PCSK6: variants seen among roughly 807,000 people sequenced by gnomAD.
The protein encoded by PCSK6 is proprotein convertase subtilisin/kexin type 6.
A neutral mutation model predicts 123.3 loss-of-function variants in PCSK6; 85 were observed. That is an observed-to-expected ratio of 0.69 (90% CI 0.58 to 0.83). The LOEUF (loss-of-function observed/expected upper bound fraction) is 0.83, where lower values mean the gene tolerates loss of function less well. PCSK6 is among the 40% of genes least tolerant of loss of function. The pLI is 0.00. For missense variants in PCSK6, 1,191 were observed against 1,282.3 expected, an observed-to-expected ratio of 0.93 and a Z score of 1.09; for synonymous variants, 508 against 516.0, an observed-to-expected ratio of 0.98 and a Z score of 0.21.
At chr15:101,347,597 C>A in intron 13 of PCSK6, 2 of 1,488,420 alleles carry the variant, frequency 1.3e-6, no homozygotes, top group Non-Finnish European at 1.8e-6. Context: ...TGTTTGTGAG[C>A]CATGTCCAAA....
intron 6 of PCSK6, among the ~76,000 whole-genome samples, chr15:101,406,777 C>G (rs962383543): frequency 6.6e-6 from 1 of 152,096 alleles, no homozygotes; most frequent in Non-Finnish European, 1.5e-5. Flanking sequence ...TGTGGGGACG[C>G]GCGGGGGATC....
At chr15:101,310,216 T>A (rs2039824372) in intron 20 of PCSK6, among the ~76,000 whole-genome samples, 1 of 152,188 alleles carries the variant, frequency 6.6e-6, no homozygotes, top group Non-Finnish European at 1.5e-5. Context: ...CAAGACCCGG[T>A]GTGTCAGCCC....
intron 13 of PCSK6, chr15:101,346,933 G>A (rs999169839): frequency 1.9e-5 from 23 of 1,231,696 alleles, no homozygotes; most frequent in Non-Finnish European, 1.8e-5. Flanking sequence ...CAAACGAGGA[G>A]AGTTTTGGGG....
intron 1 of PCSK6, among the ~76,000 whole-genome samples, chr15:101,464,601 G>C (rs1194720315): frequency 6.6e-6 from 1 of 152,154 alleles, no homozygotes; most frequent in Non-Finnish European, 1.5e-5. Flanking sequence ...GGCTGTGGTG[G>C]GGTCCAAGGA....
At chr15:101,354,053 G>A (rs914397874) in intron 13 of PCSK6, among the ~76,000 whole-genome samples, 3 of 152,182 alleles carry the variant, frequency 2.0e-5, no homozygotes, top group Non-Finnish European at 2.9e-5. Flanking sequence ...ATGGCCTGCC[G>A]AGGTCCGCAA....
At position 101,364,438 on chromosome 15, in the gene PCSK6, C is replaced by A. The variant is rs534660446; in HGVS notation, c.1858+1758G>T. On this transcript the variant is annotated intron_variant, in intron 13 of 21. Coordinates refer to ENST00000611716, the MANE Select transcript of PCSK6 (RefSeq NM_002570.5). The stretch of plus-strand genomic sequence containing the variant: ...CCATTACCTAGATCAGAGTTTGGTA[C>A]TTAATAAAGACTAGTTAAATAAATG... 2.0e-5 allele frequency among the ~76,000 whole-genome samples: 3 copies of A among 152,088 alleles called. No individual in the cohort carries two copies. In the South Asian group the frequency reaches 6.2e-4, roughly 32 times the overall value.
chr15:101,381,928 G>A (rs1438726520), intron 11 of PCSK6, among the ~76,000 whole-genome samples, 164 bp downstream of exon 11: 2 of 152,224 alleles, frequency 1.3e-5, no homozygotes, highest in African/African-American at 4.8e-5. Flanking sequence ...TTTCCCAGCT[G>A]TACAATCCAC....
chr15:101,326,782 G>A (rs1285011928), intron 15 of PCSK6, among the ~76,000 whole-genome samples: 1 of 152,242 alleles, frequency 6.6e-6, no homozygotes, highest in African/African-American at 2.4e-5. Context: ...ACTTGTGAGA[G>A]CCTGGAGGGG....
intron 9 of PCSK6, among the ~76,000 whole-genome samples, chr15:101,387,148 T>C (rs1358195625): frequency 1.2e-4 from 18 of 152,192 alleles, no homozygotes; most frequent in Admixed American, 1.2e-3. Context: ...TCTCCAGGAC[T>C]TTCCCTGCCA....
intron 6 of PCSK6, among the ~76,000 whole-genome samples, chr15:101,423,462 A>G (rs541121919): frequency 6.6e-6 from 1 of 152,104 alleles, no homozygotes; most frequent in East Asian, 1.9e-4. Context: ...GGGTTTTAGC[A>G]TGTTGGCCAG....
chr15:101,388,957 G>C (rs2042149430), intron 9 of PCSK6, among the ~76,000 whole-genome samples: 1 of 152,174 alleles, frequency 6.6e-6, no homozygotes, highest in African/African-American at 2.4e-5. Context: ...ATTCATCGAA[G>C]TCTTAGGCCC....
intron 18 of PCSK6, among the ~76,000 whole-genome samples, chr15:101,321,437 C>T (rs1038951066): frequency 6.6e-5 from 10 of 152,280 alleles, no homozygotes; most frequent in Non-Finnish European, 8.8e-5. Flanking sequence ...AGCATAGTGC[C>T]TCCTGGGGAA....
At chr15:101,341,316 T>C (rs1164871027) in intron 13 of PCSK6, among the ~76,000 whole-genome samples, 1 of 148,522 alleles carries the variant, frequency 6.7e-6, no homozygotes, top group Non-Finnish European at 1.5e-5. Context: ...TGGTGCAATC[T>C]CGGCTCACTG....
intron 5 of PCSK6, 62 bp from the exon 6 acceptor site, chr15:101,428,042 C>G (rs1049948697): frequency 7.5e-6 from 10 of 1,337,842 alleles, no homozygotes; most frequent in Non-Finnish European, 1.0e-5. Flanking sequence ...AATTCAGTGC[C>G]TGGCTCAGTT....
At chr15:101,352,576 C>T (rs900590886) in intron 13 of PCSK6, among the ~76,000 whole-genome samples, 3 of 152,194 alleles carry the variant, frequency 2.0e-5, no homozygotes, top group Non-Finnish European at 2.9e-5. Context: ...CAGTTTAAAA[C>T]GCTATCCTTA....
intron 1 of PCSK6, among the ~76,000 whole-genome samples, chr15:101,453,695 G>A (rs990903863): frequency 6.6e-6 from 1 of 152,186 alleles, no homozygotes; most frequent in Admixed American, 6.5e-5. Flanking sequence ...CTGGAAAGTG[G>A]GGATCGAGAC....
At chr15:101,489,212 C>CT (rs577078468) in intron 1 of PCSK6, among the ~76,000 whole-genome samples, 162 bp downstream of exon 1, 93,471 of 126,498 alleles carry the variant, frequency 0.74, 35,409 homozygotes, top group East Asian at 0.79. Flanking sequence ...GACACCCCCC[C>CT]CCGCAGGGCG....
chr15:101,348,145 G>A lies in PCSK6; in HGVS notation c.1859-16114C>T, dbSNP rs543558542. Among the ~76,000 whole-genome samples, 349 of 149,552 alleles carry A rather than the reference G, an allele frequency of 2.3e-3. 2 individuals carry two copies. Among genetic ancestry groups the A allele is most frequent in the African/African-American group, 8.1e-3 (334 of 41,082 alleles). On this transcript the variant is annotated intron_variant, in intron 13 of 21. Transcript: ENST00000611716. The stretch of plus-strand genomic sequence containing the variant: ...AGTGGAGGGAAAAGCCACAACCCCC[G>A]CCCCCCCGGGGTCCCGCTGGGTCGG...
chr15:101,380,586 CG>C (rs1230132055), intron 11 of PCSK6, among the ~76,000 whole-genome samples: 2 of 152,214 alleles, frequency 1.3e-5, no homozygotes, highest in Non-Finnish European at 2.9e-5. Flanking sequence ...GCCGACCTGT[CG>C]GGGCCTGCAG....
Sources: gnomAD v4.1 joint callset for allele counts (sites outside exome capture counted in the v4.1 genomes callset) on GRCh38, gnomAD v4.1.1 for gene constraint, MANE v1.5 for transcripts, NCBI Gene and HGNC (gene_info 2026-07-23, HGNC 2026-07-21) for gene names.